The following IL16 variants were observed in gnomAD, a reference collection of about 807,000 sequenced individuals.
IL16 encodes the protein pro-interleukin-16.
IL16 carries 67 observed loss-of-function variants against 110.1 expected under a neutral mutation model. The ratio of observed to expected loss-of-function variants is 0.61; its 90% CI spans 0.50 to 0.75. The LOEUF (loss-of-function observed/expected upper bound fraction) is 0.75. Ranked by LOEUF, IL16 falls within the 30% of genes least tolerant of loss-of-function variation. IL16 has a pLI of 0.00. For missense variants in IL16, 1,545 were observed against 1,655.0 expected (o/e 0.93, Z 1.15); for synonymous variants, 689 against 662.9 (o/e 1.04, Z -0.61).
At chr15:81,262,654 G>A (rs1037231062) in intron 3 of IL16, among the ~76,000 whole-genome samples, 6 of 152,268 alleles carry the variant, frequency 3.9e-5, no homozygotes, top group South Asian at 4.1e-4. Flanking sequence ...GCTTAAGGCC[G>A]GGCGCAGTGG....
intron 12 of IL16, 120 bp downstream of exon 12, chr15:81,293,157 G>C: frequency 1.8e-6 from 2 of 1,114,796 alleles, no homozygotes; most frequent in Non-Finnish European, 2.5e-6. Flanking sequence ...CTCCACCAGA[G>C]AGAAACTGTT....
chr15:81,264,272 C>T (rs929129190), intron 3 of IL16, among the ~76,000 whole-genome samples: 4 of 152,170 alleles, frequency 2.6e-5, no homozygotes, highest in East Asian at 1.9e-4. Context: ...CACCTACTTG[C>T]GCTGAAGCAG....
At chr15:81,201,842 C>T (rs962282261) in intron 1 of IL16, among the ~76,000 whole-genome samples, 1 of 152,204 alleles carries the variant, frequency 6.6e-6, no homozygotes, top group Admixed American at 6.5e-5. Flanking sequence ...CACTGTGCTG[C>T]AGCATGTTTT....
chr15:81,207,502 AACCCACGCCCCACCTCCC>A (rs1267787735), intron 1 of IL16, among the ~76,000 whole-genome samples: 1 of 152,042 alleles, frequency 6.6e-6, no homozygotes, highest in East Asian at 1.9e-4. Flanking sequence ...TAGTTTTTTT[AACCCACGCCCCACCTCCC>A]ACCCACCCCC....
intron 1 of IL16, among the ~76,000 whole-genome samples, chr15:81,216,107 A>G (rs1896420082): frequency 6.6e-6 from 1 of 152,204 alleles, no homozygotes; most frequent in Non-Finnish European, 1.5e-5. Flanking sequence ...CTGGAAGGTC[A>G]GCTGGGGCCA....
chr15:81,209,818 C>T (rs573466870), intron 1 of IL16, among the ~76,000 whole-genome samples: 7 of 152,268 alleles, frequency 4.6e-5, no homozygotes, highest in South Asian at 2.1e-4. Context: ...TCAGTTGGCC[C>T]AGATGAACTC....
chr15:81,233,231 C>T (rs1025214526), intron 2 of IL16, among the ~76,000 whole-genome samples: 9 of 152,040 alleles, frequency 5.9e-5, no homozygotes, highest in Non-Finnish European at 1.2e-4. Flanking sequence ...TAGAAAGATC[C>T]TGTGTACCTT....
At chr15:81,227,285 G>C (rs1044105341) in intron 2 of IL16, among the ~76,000 whole-genome samples, 3 of 152,170 alleles carry the variant, frequency 2.0e-5, no homozygotes, top group Non-Finnish European at 2.9e-5. Flanking sequence ...ATATTAAGTA[G>C]TGAAGGACTA....
chr15:81,202,851 G>A (rs1389713604), intron 1 of IL16, among the ~76,000 whole-genome samples: 1 of 152,164 alleles, frequency 6.6e-6, no homozygotes, highest in Non-Finnish European at 1.5e-5. Context: ...GTAATGGGAT[G>A]GCTGGGTCAA....
At chr15:81,250,560 A>G (rs1176538326) in intron 2 of IL16, among the ~76,000 whole-genome samples, 1 of 152,056 alleles carries the variant, frequency 6.6e-6, no homozygotes, top group Non-Finnish European at 1.5e-5. Flanking sequence ...ATGTTTTGTC[A>G]TCTTGTGGGG....
At chr15:81,219,318 GAGCTTT>G (rs1181757609) in intron 1 of IL16, among the ~76,000 whole-genome samples, 2 of 152,162 alleles carry the variant, frequency 1.3e-5, no homozygotes, top group Non-Finnish European at 2.9e-5. Context: ...CATGAGGAAT[GAGCTTT>G]AGCCAGTCTT....
intron 2 of IL16, among the ~76,000 whole-genome samples, chr15:81,241,988 A>T (rs752310137): frequency 1.3e-5 from 2 of 151,116 alleles, no homozygotes; most frequent in African/African-American, 4.9e-5. Context: ...TGGATATCCA[A>T]TTATAGCACC....
At chr15:81,296,057 T>C (rs1415344112) in intron 12 of IL16, among the ~76,000 whole-genome samples, 2 of 152,138 alleles carry the variant, frequency 1.3e-5, no homozygotes, top group Non-Finnish European at 2.9e-5. Flanking sequence ...TTTTTCCAGA[T>C]GGGTATTATG....
chr15:81,303,585 G>A lies in IL16; in HGVS notation c.3355G>A (p.Glu1119Lys). 6.2e-7 allele frequency: 1 copy of A among 1,614,018 alleles called. No individual in the cohort carries two copies. Among genetic ancestry groups the A allele is most frequent in the Non-Finnish European group, 8.5e-7 (1 of 1,179,846 alleles). The change falls in exon 16 of 19, where the codon GAG becomes AAG. Residue 1119 changes from glutamate (E) to lysine (K), a missense_variant. Transcript: ENST00000683961. This position sits in a 1 kb window ranked among gnomAD's most constrained non-coding sequence, Gnocchi z 4.1. ...DGIHVTILHK[E>K]EGAGLGFSLA... Reference sequence around the variant, plus strand: ...CATCCATGTCACCATCTTACACAAGGAGGAAGGTGCTGGTCTTGGGTTCAG... The same window carrying A: ...CATCCATGTCACCATCTTACACAAGAAGGAAGGTGCTGGTCTTGGGTTCAG...
intron 10 of IL16, among the ~76,000 whole-genome samples, chr15:81,286,855 G>T (rs1482674468): frequency 6.6e-6 from 1 of 152,200 alleles, no homozygotes; most frequent in Middle Eastern, 3.2e-3. Context: ...GTTCCATGTG[G>T]CTGGGGAGGC....
chr15:81,281,307 C>A (rs891931988), intron 8 of IL16, among the ~76,000 whole-genome samples: 1 of 152,220 alleles, frequency 6.6e-6, no homozygotes, highest in African/African-American at 2.4e-5. Context: ...GGCCTTCCCC[C>A]ACACTGTGCT....
chr15:81,202,102 C>A (rs894945824), intron 1 of IL16, among the ~76,000 whole-genome samples: 1 of 152,188 alleles, frequency 6.6e-6, no homozygotes, highest in Non-Finnish European at 1.5e-5. Context: ...CCAGAGAACA[C>A]CTTTAAACAT....
intron 2 of IL16, among the ~76,000 whole-genome samples, chr15:81,237,418 C>T (rs909717930): frequency 6.6e-6 from 1 of 152,198 alleles, no homozygotes; most frequent in African/African-American, 2.4e-5. Flanking sequence ...AGATTCTATA[C>T]ATCACACACA....
At position 81,290,511 on chromosome 15, in the gene IL16, G is replaced by A. The variant is rs1414975054; in HGVS notation, c.1391G>A (p.Gly464Glu). The stretch of plus-strand genomic sequence containing the variant: ...CAGGCTGTGGAAAACACCAAGTTTG[G>A]AAAGGAGAGGCATCAGTGGAGTCTG... ...VAQAVENTKF[G>E]KERHQWSLEG... is the part of the protein sequence containing the mutation. Residue 464 changes from glycine to glutamate, a missense_variant, in exon 11 of 19, where the codon GGA (glycine) becomes GAA (glutamate). Around this residue, in one of 3 missense-constraint regions of IL16, gnomAD observed 1,185 missense variants for 1,238.8 expected, o/e 0.96. Transcript: ENST00000683961. The A allele has an allele frequency of 2.5e-6, 4 of 1,613,606 alleles. No homozygotes were observed. Among genetic ancestry groups the A allele is most frequent in the East Asian group, 4.5e-5 (2 of 44,864 alleles).
Sources: gnomAD v4.1 joint callset for allele counts (sites outside exome capture counted in the v4.1 genomes callset) on GRCh38, gnomAD v4.1.1 for gene constraint, gnomAD v4.1.1 regional missense constraint, Gnocchi (gnomAD v3.1) non-coding constraint, MANE v1.5 for transcripts, NCBI Gene and HGNC (gene_info 2026-07-23, HGNC 2026-07-21) for gene names.